The following TAFA5 variants were observed in gnomAD, a reference collection of about 807,000 sequenced individuals.
The protein encoded by TAFA5 is TAFA chemokine like family member 5, also known as chemokine-like protein TAFA-5.
In TAFA5, 6 loss-of-function variants were observed where a neutral mutation model predicts 15.3. The observed-to-expected ratio is 0.39, with a 90% CI of 0.21 to 0.77. TAFA5 has a LOEUF of 0.77. Ranked by LOEUF, TAFA5 falls within the 30% of genes least tolerant of loss-of-function variation. The pLI, the probability that TAFA5 is intolerant of heterozygous loss-of-function variation, is 0.41. For missense variants in TAFA5, 161 were observed against 193.1 expected, an observed-to-expected ratio of 0.83 and a Z score of 0.98; for synonymous variants, 103 against 80.7, an observed-to-expected ratio of 1.28 and a Z score of -1.48.
intron 1 of TAFA5, among the ~76,000 whole-genome samples, chr22:48,626,770 G>T (rs1297136472): frequency 2.0e-5 from 3 of 152,146 alleles, no homozygotes; most frequent in African/African-American, 7.2e-5. Context: ...CCAATTCAAG[G>T]CTCCATAGAT....
intron 3 of TAFA5, among the ~76,000 whole-genome samples, chr22:48,743,610 G>A (rs1930243504): frequency 1.3e-5 from 2 of 152,188 alleles, no homozygotes; most frequent in African/African-American, 4.8e-5. Context: ...GGAGGGGGAG[G>A]GCTGCCAGGT....
Position 48,502,367 on chromosome 22 carries a change from C to T in TAFA5, c.112+12663C>T, listed in dbSNP as rs536128011. On this transcript the variant is annotated intron_variant, in intron 1 of 3. Coordinates refer to ENST00000402357, the MANE Select transcript of TAFA5 (RefSeq NM_001082967.3). ...CCTGTTGAGGCACATTGTTCTAAAG[C>T]ATGCCTGGGGCCCGATGCCTTGGTG... 1.2e-3 allele frequency among the ~76,000 whole-genome samples: 177 copies of T among 151,926 alleles called. 3 individuals carry two copies. The highest frequency in any genetic ancestry group is 7.5e-3 in the South Asian group (36 of 4,810).
At chr22:48,493,538 A>G (rs1171515293) in intron 1 of TAFA5, among the ~76,000 whole-genome samples, 1 of 152,234 alleles carries the variant, frequency 6.6e-6, no homozygotes, top group Non-Finnish European at 1.5e-5. Flanking sequence ...GAGTTCTCGA[A>G]GAGGTAAAAT....
intron 2 of TAFA5, among the ~76,000 whole-genome samples, chr22:48,670,574 C>T (rs5771929): frequency 0.26 from 39,596 of 152,144 alleles, 6,059 homozygotes; most frequent in South Asian, 0.42. Context: ...GGCAATCCAT[C>T]GGTGGAGGTG....
At chr22:48,637,707 G>A (rs1356215405) in intron 1 of TAFA5, among the ~76,000 whole-genome samples, 3 of 152,020 alleles carry the variant, frequency 2.0e-5, no homozygotes, top group African/African-American at 7.2e-5. Context: ...CACGTGTGGG[G>A]CATGTGGTGT....
chr22:48,564,935 A>G (rs1351154929), intron 1 of TAFA5, among the ~76,000 whole-genome samples: 1 of 152,236 alleles, frequency 6.6e-6, no homozygotes, highest in Non-Finnish European at 1.5e-5. Flanking sequence ...CAGAAGCTGC[A>G]GCTGGGAGAG....
chr22:48,668,618 C>T (rs1259447334), intron 2 of TAFA5, among the ~76,000 whole-genome samples: 1 of 74,410 alleles, frequency 1.3e-5, no homozygotes, highest in Non-Finnish European at 2.6e-5. Flanking sequence ...CACTCAGGGC[C>T]GCATCTTCAC....
rs1930485887 is a variant in TAFA5, at chr22:48,751,285, C to T, written c.*1438C>T. 6.6e-6 allele frequency: 1 copy of T among 152,466 alleles called. No individual in the cohort carries two copies. Among genetic ancestry groups the T allele is most frequent in the Non-Finnish European group, 1.5e-5 (1 of 68,050 alleles). The allele number at this position is 152,466 out of a possible 1,614,324, so 9.4% of individuals were successfully genotyped here. A position where few individuals can be genotyped will look rare whatever the true frequency, so the allele number is the denominator to read the frequency against. On this transcript the variant is annotated 3_prime_UTR_variant, in exon 4 of 4. Coordinates refer to ENST00000402357, the MANE Select transcript of TAFA5 (RefSeq NM_001082967.3). ...GTGTCCCCGCGTTCTGAGAAGTCCT[C>T]TGTCTTCGTGTCACTAGGTCCAGAA...
At chr22:48,542,564 G>GTGGT (rs1555886621) in intron 1 of TAFA5, among the ~76,000 whole-genome samples, 1 of 91,296 alleles carries the variant, frequency 1.1e-5, no homozygotes, top group Admixed American at 1.3e-4. Flanking sequence ...ATGTGTGTGT[G>GTGGT]GTGTGTGTGG....
chr22:48,625,358 G>A (rs1427960948), intron 1 of TAFA5, among the ~76,000 whole-genome samples: 3 of 152,288 alleles, frequency 2.0e-5, no homozygotes, highest in Non-Finnish European at 2.9e-5. Context: ...TCACCACCCC[G>A]TGGATTATTC....
At chr22:48,687,015 A>G (rs1273720285) in intron 2 of TAFA5, among the ~76,000 whole-genome samples, 6 of 142,116 alleles carry the variant, frequency 4.2e-5, no homozygotes, top group East Asian at 2.2e-4. Flanking sequence ...ATGGTGGACA[A>G]GTGGATGGAT....
chr22:48,585,426 A>G (rs1310522829), intron 1 of TAFA5, among the ~76,000 whole-genome samples: 1 of 150,176 alleles, frequency 6.7e-6, no homozygotes, highest in Admixed American at 6.6e-5. Context: ...CACACACAAC[A>G]CATCACACAC....
At chr22:48,593,544 A>G (rs28576340) in intron 1 of TAFA5, among the ~76,000 whole-genome samples, 52,401 of 152,000 alleles carry the variant, frequency 0.34, 9,380 homozygotes, top group Admixed American at 0.4. Flanking sequence ...TGCTGGGTTG[A>G]GGAGGGCTAG....
chr22:48,715,242 G>A (rs1009664197), intron 3 of TAFA5, among the ~76,000 whole-genome samples: 1 of 152,214 alleles, frequency 6.6e-6, no homozygotes. Flanking sequence ...GCCACCAGCC[G>A]GCTGTTCAGT....
At chr22:48,628,405 TG>T (rs1926098581) in intron 1 of TAFA5, among the ~76,000 whole-genome samples, 1 of 152,222 alleles carries the variant, frequency 6.6e-6, no homozygotes, top group East Asian at 1.9e-4. Context: ...CCTCCCCTGC[TG>T]GGGTCCTGCA....
At chr22:48,536,757 C>T (rs568561631) in intron 1 of TAFA5, among the ~76,000 whole-genome samples, 7 of 152,326 alleles carry the variant, frequency 4.6e-5, no homozygotes, top group South Asian at 4.1e-4. Context: ...ACAGGCGGCG[C>T]GCACACACAT....
At position 48,686,317 on chromosome 22, in the gene TAFA5, C is replaced by T. The variant is rs557449441; in HGVS notation, c.263-21400C>T. Among the ~76,000 whole-genome samples, 13 of 152,294 alleles carry T rather than the reference C, an allele frequency of 8.5e-5. No homozygotes were observed. In the South Asian group the frequency reaches 1.7e-3, roughly 19 times the overall value. ...CACAGCTCTGGAGGCTGGAAATCTA[C>T]GATCATGGTGCCAGTAGGGTCGGGT... On this transcript the variant is annotated intron_variant, in intron 2 of 3. Transcript: ENST00000402357.
intron 1 of TAFA5, chr22:48,576,181 G>A (rs1338184642): frequency 1.1e-5 from 2 of 180,602 alleles, no homozygotes; most frequent in Non-Finnish European, 2.2e-5. Context: ...CGCAGCCAGC[G>A]ATGGTGGCCG....
At chr22:48,624,197 A>G (rs1925948190) in intron 1 of TAFA5, among the ~76,000 whole-genome samples, 1 of 152,062 alleles carries the variant, frequency 6.6e-6, no homozygotes, top group African/African-American at 2.4e-5. Flanking sequence ...CCATGATTAG[A>G]ATCGGGCTGT....
Sources: gnomAD v4.1 joint callset for allele counts (sites outside exome capture counted in the v4.1 genomes callset) on GRCh38, gnomAD v4.1.1 for gene constraint, MANE v1.5 for transcripts, NCBI Gene and HGNC (gene_info 2026-07-23, HGNC 2026-07-21) for gene names.